The following ING5 variants were observed in gnomAD, a reference collection of about 807,000 sequenced individuals.
ING5 encodes inhibitor of growth family member 5.
In ING5, 17 loss-of-function variants were observed where a neutral mutation model predicts 37.4. That is an observed-to-expected ratio of 0.45 (90% confidence interval 0.31 to 0.68). The LOEUF is 0.68. Ranked by LOEUF, ING5 falls within the 30% of genes least tolerant of loss-of-function variation. The pLI, the probability that ING5 is intolerant of heterozygous loss-of-function variation, is 0.05. For missense variants in ING5, 233 were observed against 311.9 expected, an observed-to-expected ratio of 0.75 and a Z score of 1.91; for synonymous variants, 123 against 116.6, an observed-to-expected ratio of 1.06 and a Z score of -0.36.
At position 241,721,083 on chromosome 2, in the gene ING5, G is replaced by C. The variant is rs149699410; in HGVS notation, c.483-1856G>C. 3.9e-4 allele frequency: 387 copies of C among 985,620 alleles called. 2 individuals carry two copies. The African/African-American group carries it at 6.2e-3, about 16-fold the overall frequency. The allele number at this position is 985,620 out of a possible 1,614,324, so 61.1% of individuals were successfully genotyped here. A position where few individuals can be genotyped will look rare whatever the true frequency, so the allele number is the denominator to read the frequency against. ...GGGCTTTGTGGACAGAATTGGACTC[G>C]GCGCAGAAGAGGAGGGCGTCAGCGT... On this transcript the variant is annotated intron_variant, in intron 5 of 7. Transcript: ENST00000313552.
chr2:241,696,744 C>G (rs1441613961), intron 2 of ING5, among the ~76,000 whole-genome samples: 1 of 152,150 alleles, frequency 6.6e-6, no homozygotes, highest in Non-Finnish European at 1.5e-5. Flanking sequence ...GATTGTGCCA[C>G]TGCACTTCAG....
At chr2:241,706,294 C>T (rs2069908479) in intron 2 of ING5, among the ~76,000 whole-genome samples, 1 of 152,052 alleles carries the variant, frequency 6.6e-6, no homozygotes, top group South Asian at 2.1e-4. Context: ...TTTGATAGAG[C>T]CTTTCCTTTG....
intron 2 of ING5, among the ~76,000 whole-genome samples, chr2:241,693,652 C>CTTTTTTTTTTTTTTTTTTTTTTT (rs1185556171): frequency 1.3e-5 from 1 of 78,538 alleles, no homozygotes; most frequent in Non-Finnish European, 2.3e-5. Flanking sequence ...AAATACAACT[C>CTTTTTTTTTTTTTTTTTTTTTTT]TTTTTTTTTT....
rs1691551832 is a variant in ING5 at position 241,725,043 on chromosome 2, T to C, written c.*12T>C. 3 of 1,613,864 alleles carry C rather than the reference T, an allele frequency of 1.9e-6. No homozygotes were observed. The highest frequency in any genetic ancestry group is 1.7e-6 in the Non-Finnish European group (2 of 1,179,730). The stretch of plus-strand genomic sequence containing the variant: ...GGAAGAAGAAGTAGGAGGAGCTGTG[T>C]GCCCGGATCCGAGGAGCAAGTTAAT... On this transcript the variant is annotated 3_prime_UTR_variant, in exon 8 of 8. Transcript: ENST00000313552.
intron 7 of ING5, 141 bp from the exon 8 acceptor site, chr2:241,724,848 G>A (rs1195759649): frequency 1.5e-5 from 11 of 756,130 alleles, no homozygotes; most frequent in East Asian, 1.3e-4. Flanking sequence ...CGGGAGGGCC[G>A]CGGCCCCACT....
At chr2:241,721,133 G>C (rs2070423742) in intron 5 of ING5, 32 of 985,450 alleles carry the variant, frequency 3.2e-5, no homozygotes, top group Non-Finnish European at 3.5e-5. Flanking sequence ...GCAGCAGAGG[G>C]TGCTGCCCTG....
Position 241,707,011 on chromosome 2 carries a change from G to A in ING5, c.110-2205G>A, listed in dbSNP as rs569639784. On this transcript the variant is annotated intron_variant, in intron 2 of 7. Transcript: ENST00000313552. ...TTTCACTCTTGTTGCCCAGGCTGGC[G>A]TGCGATGGCGCGATCTTGGCTCAAC... 7.6e-4 allele frequency among the ~76,000 whole-genome samples: 112 copies of A among 147,264 alleles called. 1 individual carries two copies. Among genetic ancestry groups the A allele is most frequent in the South Asian group, 1.7e-3 (8 of 4,696 alleles).
At chr2:241,707,941 A>G (rs1156983978) in intron 2 of ING5, among the ~76,000 whole-genome samples, 1 of 152,000 alleles carries the variant, frequency 6.6e-6, no homozygotes, top group Non-Finnish European at 1.5e-5. Flanking sequence ...CTTTACCATC[A>G]GGCTGGAGTG....
upstream of ING5, chr2:241,701,961 T>C: frequency 1.4e-6 from 1 of 724,218 alleles, no homozygotes; most frequent in Non-Finnish European, 1.9e-6. Context: ...GCGCGACCAA[T>C]CAGCGCGCGC....
chr2:241,697,827 A>G (rs1029542555), upstream of ING5, among the ~76,000 whole-genome samples: 3 of 152,220 alleles, frequency 2.0e-5, no homozygotes, highest in African/African-American at 7.2e-5. Flanking sequence ...TCACGCCCGT[A>G]ATCCCAACAC....
At chr2:241,707,947 G>A (rs1400160463) in intron 2 of ING5, among the ~76,000 whole-genome samples, 3 of 152,102 alleles carry the variant, frequency 2.0e-5, no homozygotes. Flanking sequence ...CATCAGGCTG[G>A]AGTGCAGTGG....
intron 1 of ING5, among the ~76,000 whole-genome samples, chr2:241,689,370 T>G (rs2069513369): frequency 6.6e-6 from 1 of 152,154 alleles, no homozygotes; most frequent in Admixed American, 6.6e-5. Flanking sequence ...TCAGCCTCCC[T>G]AAGTGCTGGG....
rs2069745562 is a variant in ING5 at position 241,702,077 on chromosome 2, C to T, written c.12C>T (p.Ala4=). 8 of 1,391,324 alleles carry T rather than the reference C, an allele frequency of 5.7e-6. No homozygotes were observed. In the East Asian group the frequency reaches 2.6e-4, roughly 46 times the overall value. 86.2% of individuals were successfully genotyped at this position (1,391,324 alleles called of 1,614,324 possible). ...GGCCGCGGACGAAGATGGCGACCGC[C>T]ATGTACTTGGAGCACTATCTGGACA... The part of the protein sequence containing the change: MAT[A]MYLEHYLDSI... Residue 4 remains alanine (A), a synonymous_variant, in exon 1 of 8, where the codon GCC becomes GCT. Coordinates refer to ENST00000313552, the MANE Select transcript of ING5 (RefSeq NM_032329.6).
At chr2:241,689,176 G>A (rs1342627857) in intron 1 of ING5, among the ~76,000 whole-genome samples, 1 of 150,394 alleles carries the variant, frequency 6.6e-6, no homozygotes, top group Non-Finnish European at 1.5e-5. Context: ...GCAATGGCAT[G>A]ATCTTGGCTC....
intron 2 of ING5, 28 bp downstream of exon 2, chr2:241,704,752 G>A: frequency 6.3e-7 from 1 of 1,591,072 alleles, no homozygotes; most frequent in Non-Finnish European, 8.6e-7. Flanking sequence ...CATACAACCA[G>A]AACTGAGTTC....
chr2:241,721,981 G>A lies in ING5; in HGVS notation c.483-958G>A, dbSNP rs887266626. ...ATGGGGATGAAGGAGTGACAAGGAT[G>A]GTGTGTGGTCGGAAGGGGCCCTGTG... On this transcript the variant is annotated intron_variant, in intron 5 of 7. Coordinates refer to ENST00000313552, the MANE Select transcript of ING5 (RefSeq NM_032329.6). 2.4e-5 allele frequency: 24 copies of A among 985,404 alleles called. No homozygotes were observed. In the African/African-American group the frequency reaches 4.2e-4, roughly 17 times the overall value. The allele number at this position is 985,404 out of a possible 1,614,324, so 61.0% of individuals were successfully genotyped here. A position where few individuals can be genotyped will look rare whatever the true frequency, so the allele number is the denominator to read the frequency against.
intron 5 of ING5, chr2:241,721,154 G>C (rs1348082980): frequency 1.0e-6 from 1 of 985,484 alleles, no homozygotes; most frequent in Non-Finnish European, 1.2e-6. Context: ...CTCTCCGCGG[G>C]TGAGAGGTGA....
intron 5 of ING5, among the ~76,000 whole-genome samples, chr2:241,719,065 C>T (rs1024381226): frequency 3.3e-5 from 5 of 152,198 alleles, no homozygotes; most frequent in African/African-American, 1.2e-4. Flanking sequence ...AGGGTCTCAG[C>T]TTCAGCTCCA....
chr2:241,713,353 C>A (rs916288192), intron 5 of ING5, among the ~76,000 whole-genome samples: 30 of 148,660 alleles, frequency 2.0e-4, no homozygotes, highest in African/African-American at 7.4e-4. Context: ...CCATCACACC[C>A]GACCCAATTT....
Sources: gnomAD v4.1 joint callset for allele counts (sites outside exome capture counted in the v4.1 genomes callset) on GRCh38, gnomAD v4.1.1 for gene constraint, MANE v1.5 for transcripts, NCBI Gene and HGNC (gene_info 2026-07-23, HGNC 2026-07-21) for gene names.